CTNNA3: variants seen among roughly 807,000 people sequenced by gnomAD.
CTNNA3 encodes catenin alpha 3, also known as catenin alpha-3.
CTNNA3 carries 76 observed loss-of-function variants against 95.7 expected under a neutral mutation model. The ratio of observed to expected loss-of-function variants is 0.79; its 90% CI spans 0.66 to 0.96. The LOEUF (loss-of-function observed/expected upper bound fraction) is 0.96. CTNNA3 is among the 40% of genes least tolerant of loss of function. The pLI, the probability that CTNNA3 is intolerant of heterozygous loss-of-function variation, is 0.00. For missense variants in CTNNA3, 1,191 were observed against 1,089.8 expected, an observed-to-expected ratio of 1.09 and a Z score of -1.31; for synonymous variants, 431 against 374.4, an observed-to-expected ratio of 1.15 and a Z score of -1.74.
intron 7 of CTNNA3, among the ~76,000 whole-genome samples, chr10:67,035,281 T>C (rs1853976801): frequency 6.6e-6 from 1 of 152,200 alleles, no homozygotes; most frequent in Non-Finnish European, 1.5e-5. Flanking sequence ...TGCAAGTCAC[T>C]AGATTTCTTA....
At chr10:67,563,036 A>C (rs1173061167) in intron 3 of CTNNA3, among the ~76,000 whole-genome samples, 1 of 152,170 alleles carries the variant, frequency 6.6e-6, no homozygotes, top group Admixed American at 6.6e-5. Context: ...GGTAGGAAGA[A>C]TCAATATCAT....
chr10:66,893,927 T>A (rs1845374432), intron 7 of CTNNA3, among the ~76,000 whole-genome samples: 1 of 152,168 alleles, frequency 6.6e-6, no homozygotes, highest in Non-Finnish European at 1.5e-5. Flanking sequence ...GTTTTTTGTA[T>A]CTAATGCTGT....
At chr10:66,975,856 T>C (rs1019314341) in intron 7 of CTNNA3, among the ~76,000 whole-genome samples, 3 of 152,364 alleles carry the variant, frequency 2.0e-5, no homozygotes, top group Admixed American at 6.5e-5. Flanking sequence ...ATTTTCTATC[T>C]GACCAAAAAT....
intron 1 of CTNNA3, among the ~76,000 whole-genome samples, chr10:67,759,904 T>C (rs1419916983): frequency 2.0e-5 from 3 of 152,104 alleles, no homozygotes; most frequent in Non-Finnish European, 2.9e-5. Context: ...TCAGATGAGA[T>C]TGCAGCCCCA....
At chr10:67,316,852 T>A (rs1399287238) in intron 5 of CTNNA3, among the ~76,000 whole-genome samples, 1 of 152,174 alleles carries the variant, frequency 6.6e-6, no homozygotes, top group Non-Finnish European at 1.5e-5. Context: ...CAAATCCATA[T>A]AATAATTAAG....
chr10:67,569,046 A>G lies in CTNNA3; in HGVS notation c.293-29377T>C, dbSNP rs1348203146. On this transcript the variant is annotated intron_variant, in intron 3 of 17. Coordinates refer to ENST00000433211, the MANE Select transcript of CTNNA3 (RefSeq NM_013266.4). Reference sequence around the variant, plus strand: ...ATGAACTCTTGTTCTAACACATTTTAACATGCATGCATTGTGTCCTGTAGC... The same window carrying G: ...ATGAACTCTTGTTCTAACACATTTTGACATGCATGCATTGTGTCCTGTAGC... Among the ~76,000 whole-genome samples the G allele has an allele frequency of 2.0e-5, 3 of 152,192 alleles. No homozygotes were observed. The East Asian group carries it at 5.8e-4, about 29-fold the overall frequency.
At chr10:66,530,828 C>A (rs1841440660) in intron 10 of CTNNA3, among the ~76,000 whole-genome samples, 1 of 152,210 alleles carries the variant, frequency 6.6e-6, no homozygotes, top group East Asian at 1.9e-4. Flanking sequence ...TATAAGAAAC[C>A]AAGCTATCCT....
chr10:67,456,056 T>C (rs1413060305), intron 5 of CTNNA3, among the ~76,000 whole-genome samples: 7 of 152,216 alleles, frequency 4.6e-5, no homozygotes, highest in Non-Finnish European at 1.0e-4. Flanking sequence ...TATTCTAAAA[T>C]TAAAAGTTTA....
chr10:66,136,904 C>G (rs750588238), intron 13 of CTNNA3, among the ~76,000 whole-genome samples: 1 of 152,106 alleles, frequency 6.6e-6, no homozygotes, highest in African/African-American at 2.4e-5. Context: ...TCACTGCAAC[C>G]TCCACCTCGT....
chr10:66,343,824 G>A (rs940366915), intron 12 of CTNNA3, among the ~76,000 whole-genome samples: 4 of 151,956 alleles, frequency 2.6e-5, no homozygotes, highest in Admixed American at 2.6e-4. Context: ...TCATCACTAT[G>A]TACTCATAAG....
intron 13 of CTNNA3, among the ~76,000 whole-genome samples, chr10:66,129,608 C>A (rs2082992291): frequency 6.6e-6 from 1 of 152,154 alleles, no homozygotes. Flanking sequence ...CCTGGGCAAC[C>A]CTCAGTCTAC....
intron 7 of CTNNA3, among the ~76,000 whole-genome samples, chr10:67,111,497 C>T (rs1858907113): frequency 6.6e-6 from 1 of 151,964 alleles, no homozygotes; most frequent in African/African-American, 2.4e-5. Flanking sequence ...TCACAAATCC[C>T]TTGAATAATG....
At chr10:67,139,727 G>C (rs1431044895) in intron 7 of CTNNA3, among the ~76,000 whole-genome samples, 2 of 152,076 alleles carry the variant, frequency 1.3e-5, no homozygotes, top group African/African-American at 4.8e-5. Flanking sequence ...AAATGTAATA[G>C]ATTTAAAAGC....
At chr10:66,695,588 G>C (rs1409966050) in intron 9 of CTNNA3, among the ~76,000 whole-genome samples, 1 of 152,110 alleles carries the variant, frequency 6.6e-6, no homozygotes, top group Non-Finnish European at 1.5e-5. Flanking sequence ...CAGCAGCCTA[G>C]TAGTTGGTTG....
chr10:67,434,968 T>G (rs2132910248), intron 5 of CTNNA3, among the ~76,000 whole-genome samples: 1 of 152,122 alleles, frequency 6.6e-6, no homozygotes, highest in East Asian at 1.9e-4. Flanking sequence ...AGTAGATGTA[T>G]ATACAGGTAG....
At chr10:65,959,671 T>G (rs2077802642) in intron 17 of CTNNA3, among the ~76,000 whole-genome samples, 1 of 152,096 alleles carries the variant, frequency 6.6e-6, no homozygotes, top group South Asian at 2.1e-4. Flanking sequence ...ACTACAGGCA[T>G]ACACCACCAC....
intron 17 of CTNNA3, among the ~76,000 whole-genome samples, chr10:65,932,748 G>A (rs1259918246): frequency 1.3e-5 from 2 of 152,036 alleles, no homozygotes; most frequent in African/African-American, 4.8e-5. Flanking sequence ...TGAATACTTT[G>A]TACTAAGATA....
intron 5 of CTNNA3, among the ~76,000 whole-genome samples, chr10:67,440,941 C>T (rs1462204163): frequency 1.3e-5 from 2 of 151,776 alleles, no homozygotes; most frequent in East Asian, 1.9e-4. Context: ...CATGACCTCA[C>T]CAAACAAACT....
At chr10:66,177,207 A>T (rs1309876510) in intron 13 of CTNNA3, among the ~76,000 whole-genome samples, 1 of 152,136 alleles carries the variant, frequency 6.6e-6, no homozygotes, top group African/African-American at 2.4e-5. Flanking sequence ...TTTCACTGAA[A>T]TGCAAATATA....
Sources: allele counts gnomAD v4.1 joint callset (sites outside exome capture counted in the v4.1 genomes callset), GRCh38; gene constraint gnomAD v4.1.1; transcripts MANE v1.5; gene names NCBI Gene and HGNC (gene_info 2026-07-23, HGNC 2026-07-21).